The following SOX5 variants were observed in gnomAD, a reference collection of about 807,000 sequenced individuals.
The protein encoded by SOX5 is transcription factor SOX-5.
SOX5 carries 9 observed loss-of-function variants against 92.0 expected under a neutral mutation model. The observed-to-expected ratio is 0.10, with a 90% CI of 0.06 to 0.17. The LOEUF (loss-of-function observed/expected upper bound fraction) is 0.17, where lower values mean the gene tolerates loss of function less well. Ranked by LOEUF, SOX5 falls within the 10% of genes least tolerant of loss-of-function variation. The probability of loss-of-function intolerance (pLI) is 1.00; values close to 1 mark genes in which losing one functional copy is unlikely to be tolerated. For synonymous variants in SOX5, 344 were observed against 336.3 expected (o/e 1.02, Z -0.25); for missense variants, 642 against 944.5 (o/e 0.68, Z 4.20).
In SOX5 at chr12:24,135,378, TG is replaced by T. The variant is rs541318951; in HGVS notation, c.-2+77964del. 1.2e-4 allele frequency among the ~76,000 whole-genome samples: 18 copies of T among 152,312 alleles called. No homozygotes were observed. In the South Asian group the frequency reaches 1.7e-3, roughly 14 times the overall value. ...CCTAACTCTTGTCATAGGAATTCCA[TG>T]TTTCCTTGGAATTCCCTCCCTTACT... On this transcript the variant is annotated intron_variant, in intron 4 of 4. Transcript: ENST00000446891.
chr12:23,958,414 C>T (rs1420633032), intron 4 of SOX5, among the ~76,000 whole-genome samples: 3 of 151,870 alleles, frequency 2.0e-5, no homozygotes, highest in East Asian at 1.9e-4. Flanking sequence ...ATGACCTAGT[C>T]CAGTATATGG....
chr12:24,214,066 T>C (rs1050265244), intron 3 of SOX5, among the ~76,000 whole-genome samples: 2 of 152,032 alleles, frequency 1.3e-5, no homozygotes, highest in African/African-American at 4.8e-5. Flanking sequence ...ATAAAACTTA[T>C]GGAATACATG....
chr12:23,832,143 A>G (rs1293364190), intron 3 of SOX5, among the ~76,000 whole-genome samples: 1 of 152,094 alleles, frequency 6.6e-6, no homozygotes, highest in African/African-American at 2.4e-5. Flanking sequence ...ATTCACATTT[A>G]CTGTGGAAAC....
intron 9 of SOX5, among the ~76,000 whole-genome samples, chr12:23,599,031 C>A (rs1952972785): frequency 6.6e-6 from 1 of 152,112 alleles, no homozygotes; most frequent in Non-Finnish European, 1.5e-5. Flanking sequence ...TTCTACCCTG[C>A]AGATTAGTGT....
exon 3 of SOX5, chr12:24,277,238 C>A (rs1944541331): frequency 6.6e-6 from 1 of 151,496 alleles, no homozygotes; most frequent in Non-Finnish European, 1.5e-5. Flanking sequence ...CAGTGCAGTG[C>A]CAGAATTCTC....
intron 1 of SOX5, among the ~76,000 whole-genome samples, chr12:24,510,837 G>A (rs559400603): frequency 6.6e-6 from 1 of 152,198 alleles, no homozygotes; most frequent in South Asian, 2.1e-4. Flanking sequence ...TCTAGATCAC[G>A]AGCTGGCCCC....
chr12:23,570,933 ATATATATATAT>A (rs1565915033), intron 10 of SOX5, among the ~76,000 whole-genome samples: 104 of 8,188 alleles, frequency 0.013, 2 homozygotes, highest in African/African-American at 0.032. Context: ...AAAAAAAAAT[ATATATATATAT>A]ATATATATAT....
intron 4 of SOX5, among the ~76,000 whole-genome samples, chr12:24,194,436 G>A (rs1313012166): frequency 6.6e-6 from 1 of 150,960 alleles, no homozygotes; most frequent in Non-Finnish European, 1.5e-5. Flanking sequence ...TAGGTATGTA[G>A]GTAGGTAGGT....
chr12:23,662,056 C>T (rs10505903), intron 7 of SOX5, among the ~76,000 whole-genome samples: 2,122 of 152,132 alleles, frequency 0.014, 39 homozygotes, highest in African/African-American at 0.047. Context: ...GAACTTGTCT[C>T]TGAATGAAGC....
intron 1 of SOX5, among the ~76,000 whole-genome samples, chr12:24,548,680 G>T (rs1460737482): frequency 6.6e-6 from 1 of 152,164 alleles, no homozygotes; most frequent in Non-Finnish European, 1.5e-5. Flanking sequence ...CAAAGCATCT[G>T]AAACAGCATG....
At chr12:23,825,034 G>C (rs952362305) in intron 3 of SOX5, among the ~76,000 whole-genome samples, 1 of 152,148 alleles carries the variant, frequency 6.6e-6, no homozygotes, top group Middle Eastern at 3.2e-3. Context: ...GGCTCCATGG[G>C]GGTGGGATCT....
At position 24,487,279 on chromosome 12, in the gene SOX5, T is replaced by A. The variant is rs1946617748; in HGVS notation, c.-251+75050A>T. Among the ~76,000 whole-genome samples the A allele has an allele frequency of 2.0e-5, 3 of 152,196 alleles. No individual in the cohort carries two copies. In the South Asian group the frequency reaches 6.2e-4, roughly 31 times the overall value. The stretch of plus-strand genomic sequence containing the variant: ...GAAAACACTGTAGATTTCCAAATAA[T>A]CCAGAATTAGAACCAATAGATTTAT... On this transcript the variant is annotated intron_variant, in intron 1 of 4. Transcript: ENST00000446891.
At position 23,979,699 on chromosome 12, in the gene SOX5, TTTTTTTTG is replaced by T. The variant is rs1569369727; in HGVS notation, c.-1-83683_-1-83676del. On this transcript the variant is annotated intron_variant, in intron 4 of 4. Coordinates refer to the SOX5 transcript ENST00000446891. ...TCTTCCTTCCATATATATATATATG[TTTTTTTTG>T]TTTTTTTTTTTTTTTTTTTTTTTTT... Among the ~76,000 whole-genome samples the T allele has an allele frequency of 1.7e-3, 40 of 23,606 alleles. 9 individuals carry two copies. Among genetic ancestry groups the T allele is most frequent in the East Asian group, 6.1e-3 (6 of 984 alleles). 15.5% of individuals were successfully genotyped at this position (23,606 alleles called of 152,430 possible).
chr12:24,500,794 G>A (rs948228088), intron 1 of SOX5, among the ~76,000 whole-genome samples: 5 of 151,980 alleles, frequency 3.3e-5, no homozygotes, highest in Non-Finnish European at 7.4e-5. Flanking sequence ...AATATAAACC[G>A]GCATTTTTAC....
chr12:23,853,041 A>G (rs1401662922), intron 2 of SOX5, among the ~76,000 whole-genome samples: 1 of 151,504 alleles, frequency 6.6e-6, no homozygotes, highest in Non-Finnish European at 1.5e-5. Flanking sequence ...AGAGTGAGAA[A>G]AGGTAATATA....
chr12:24,396,368 T>C (rs1433046438), intron 1 of SOX5, among the ~76,000 whole-genome samples: 1 of 152,224 alleles, frequency 6.6e-6, no homozygotes, highest in South Asian at 2.1e-4. Flanking sequence ...TCAGTGTGAC[T>C]GGAGCACACA....
At chr12:24,388,586 G>T (rs1317718979) in intron 1 of SOX5, among the ~76,000 whole-genome samples, 1 of 151,992 alleles carries the variant, frequency 6.6e-6, no homozygotes, top group Non-Finnish European at 1.5e-5. Flanking sequence ...ATTCTCCTTG[G>T]TTTGTTTTCT....
chr12:24,140,212 A>G (rs1593529387), intron 4 of SOX5, among the ~76,000 whole-genome samples: 2 of 152,120 alleles, frequency 1.3e-5, no homozygotes, highest in Non-Finnish European at 2.9e-5. Context: ...TCGATCATAC[A>G]TACACCGTCA....
At chr12:23,659,740 G>C (rs908771589) in intron 7 of SOX5, among the ~76,000 whole-genome samples, 1 of 152,044 alleles carries the variant, frequency 6.6e-6, no homozygotes, top group Non-Finnish European at 1.5e-5. Context: ...TGGGAGGTGG[G>C]TGGATCACGT....
Sources: gnomAD v4.1 joint callset for allele counts (sites outside exome capture counted in the v4.1 genomes callset) on GRCh38, gnomAD v4.1.1 for gene constraint, MANE v1.5 for transcripts, NCBI Gene and HGNC (gene_info 2026-07-23, HGNC 2026-07-21) for gene names.